BTBD8: variants seen among roughly 807,000 people sequenced by gnomAD.
BTBD8 encodes BTB domain containing 8, also known as BTB/POZ domain-containing protein 8.
A neutral mutation model predicts 162.9 loss-of-function variants in BTBD8; 110 were observed. The ratio of observed to expected loss-of-function variants is 0.68; its 90% CI spans 0.58 to 0.79. The LOEUF (loss-of-function observed/expected upper bound fraction) is 0.79, where lower values mean the gene tolerates loss of function less well. BTBD8 is among the 30% of genes least tolerant of loss of function. The probability of loss-of-function intolerance (pLI) is 0.00; values close to 1 mark genes in which losing one functional copy is unlikely to be tolerated. For synonymous variants in BTBD8, 667 were observed against 716.1 expected, an observed-to-expected ratio of 0.93 and a Z score of 1.10; for missense variants, 1,905 against 2,085.4, an observed-to-expected ratio of 0.91 and a Z score of 1.68.
At position 92,180,820 on chromosome 1, in the gene BTBD8, A is replaced by C; in HGVS notation, c.3137A>C (p.Gln1046Pro). The change falls in exon 17 of 18, where the codon CAG (glutamine) becomes CCG (proline). Residue 1046 changes from glutamine (Q) to proline (P), a missense_variant. By Grantham distance (76) the Gln-to-Pro change is moderately conservative (BLOSUM62 -1). This residue lies in a region of BTBD8 where 1,374 missense variants were observed against 1,442.7 expected (regional missense o/e 0.95). Coordinates refer to ENST00000636805, the MANE Select transcript of BTBD8 (RefSeq NM_001376131.1). ...KSLKHELESKQICLDKSETKF... is the reference protein window; with the variant it reads ...KSLKHELESKPICLDKSETKF... ...TTAAAACACGAACTGGAATCAAAAC[A>C]GATTTGTTTAGATAAAAGTGAAACA... is the stretch of plus-strand genomic sequence containing the variant. The C allele has an allele frequency of 6.4e-7, 1 of 1,551,514 alleles. No individual in the cohort carries two copies. Among genetic ancestry groups the C allele is most frequent in the Non-Finnish European group, 8.7e-7 (1 of 1,146,946 alleles).
Position 92,146,822 on chromosome 1 carries a change from C to T in BTBD8, c.931-358C>T, listed in dbSNP as rs116191550. On this transcript the variant is annotated intron_variant, in intron 7 of 17. Coordinates refer to ENST00000636805, the MANE Select transcript of BTBD8 (RefSeq NM_001376131.1). ...TTTTAGAGCTGAATATTTCATTGCA[C>T]GGATGTACTACAGTTTATTTATCCA... 7.3e-3 allele frequency among the ~76,000 whole-genome samples: 1,109 copies of T among 152,140 alleles called. 6 individuals are homozygous for T. Among genetic ancestry groups the T allele is most frequent in the Middle Eastern group, 0.014 (4 of 294 alleles).
At chr1:92,152,857 G>A (rs1459215689) in intron 9 of BTBD8, among the ~76,000 whole-genome samples, 2 of 152,156 alleles carry the variant, frequency 1.3e-5, no homozygotes, top group Non-Finnish European at 2.9e-5. Context: ...CAAACATCCA[G>A]TCTGATCAAT....
chr1:92,130,537 T>G (rs1649489360), intron 5 of BTBD8, among the ~76,000 whole-genome samples: 1 of 117,016 alleles, frequency 8.5e-6, no homozygotes, highest in Non-Finnish European at 1.7e-5. Context: ...TATATATATA[T>G]TTACACACAC....
chr1:92,115,142 G>T (rs1648999675), intron 4 of BTBD8: 4 of 509,384 alleles, frequency 7.9e-6, no homozygotes, highest in South Asian at 6.2e-5. Context: ...TCGACTTGGG[G>T]ATGACCTTGC....
At chr1:92,155,779 G>A (rs1444861237) in intron 9 of BTBD8, among the ~76,000 whole-genome samples, 1 of 152,162 alleles carries the variant, frequency 6.6e-6, no homozygotes, top group Non-Finnish European at 1.5e-5. Flanking sequence ...ATTATTGTAT[G>A]TTCATTTTGT....
chr1:92,122,005 T>C (rs893860649), intron 4 of BTBD8, among the ~76,000 whole-genome samples: 3 of 152,022 alleles, frequency 2.0e-5, no homozygotes, highest in African/African-American at 7.2e-5. Flanking sequence ...TGTTTTCTTA[T>C]TATTGTGTTC....
chr1:92,097,677 A>G (rs1024385229), intron 2 of BTBD8, among the ~76,000 whole-genome samples: 3 of 152,112 alleles, frequency 2.0e-5, no homozygotes, highest in Non-Finnish European at 2.9e-5. Flanking sequence ...TCGACATGGT[A>G]TTTTCACAGT....
chr1:92,173,830 G>A (rs1012862738), intron 13 of BTBD8, among the ~76,000 whole-genome samples: 1 of 152,214 alleles, frequency 6.6e-6, no homozygotes, highest in African/African-American at 2.4e-5. Context: ...CTGGTATGTA[G>A]TAAGTGCTCA....
chr1:92,096,669 C>G (rs1203856545), intron 2 of BTBD8, among the ~76,000 whole-genome samples: 1 of 151,606 alleles, frequency 6.6e-6, no homozygotes, highest in African/African-American at 2.4e-5. Context: ...TCCTGAGTAG[C>G]TGGGACTACA....
At chr1:92,144,344 A>G (rs1649857451) in intron 7 of BTBD8, among the ~76,000 whole-genome samples, 2 of 152,134 alleles carry the variant, frequency 1.3e-5, no homozygotes, top group Admixed American at 6.6e-5. Flanking sequence ...TTATACAGTA[A>G]TACAAATATG....
chr1:92,139,918 C>G (rs865985511), intron 6 of BTBD8: 2 of 97,620 alleles, frequency 2.0e-5, no homozygotes, highest in Non-Finnish European at 3.8e-5. Flanking sequence ...GAAACCTCGT[C>G]TCTACTAAAA....
chr1:92,161,145 A>G (rs1392261667), intron 9 of BTBD8, among the ~76,000 whole-genome samples: 1 of 152,180 alleles, frequency 6.6e-6, no homozygotes, highest in East Asian at 1.9e-4. Context: ...GGAGCCTCTC[A>G]ACTAGTTTCT....
intron 4 of BTBD8, among the ~76,000 whole-genome samples, chr1:92,129,029 T>C (rs1649438882): frequency 6.6e-6 from 1 of 152,122 alleles, no homozygotes; most frequent in African/African-American, 2.4e-5. Context: ...GCCACCTTGT[T>C]AAAAATTTTT....
At chr1:92,140,458 T>A (rs1041933991) in intron 6 of BTBD8, among the ~76,000 whole-genome samples, 8 of 152,210 alleles carry the variant, frequency 5.3e-5, no homozygotes, top group African/African-American at 1.9e-4. Flanking sequence ...TTTTTAATTT[T>A]AAAAATTACT....
rs986978617 is a variant in BTBD8 at position 92,181,107 on chromosome 1, G to A, written c.3424G>A (p.Val1142Met). Residue 1142 changes from valine (V) to methionine (M), a missense_variant, in exon 17 of 18, where the codon GTG becomes ATG. Transcript: ENST00000636805. ...DTNKQSSIKC[V>M]EDVSLCNPER... The stretch of plus-strand genomic sequence containing the variant: ...AAACAAACAATCAAGTATTAAATGT[G>A]TGGAAGATGTTTCACTGTGTAATCC... The A allele has an allele frequency of 1.1e-5, 17 of 1,551,632 alleles. No individual in the cohort carries two copies. The African/African-American group carries it at 1.9e-4, about 17-fold the overall frequency.
chr1:92,149,729 A>G (rs1485761749), intron 9 of BTBD8, among the ~76,000 whole-genome samples: 2 of 152,202 alleles, frequency 1.3e-5, no homozygotes, highest in African/African-American at 4.8e-5. Context: ...GGCTCACTGC[A>G]GCCAGATCTG....
chr1:92,081,661 C>T (rs1369619554), intron 1 of BTBD8, among the ~76,000 whole-genome samples: 1 of 152,200 alleles, frequency 6.6e-6, no homozygotes, highest in Non-Finnish European at 1.5e-5. Context: ...GCAACCTCCA[C>T]CTCCCGGGTT....
chr1:92,179,467 T>A (rs519932), intron 16 of BTBD8, among the ~76,000 whole-genome samples: 34 of 152,122 alleles, frequency 2.2e-4, no homozygotes, highest in Non-Finnish European at 4.0e-4. Context: ...AAAGCAGTTC[T>A]TAAAATGCTA....
intron 2 of BTBD8, among the ~76,000 whole-genome samples, chr1:92,098,127 G>A (rs1258356001): frequency 2.0e-5 from 3 of 152,136 alleles, no homozygotes; most frequent in African/African-American, 7.2e-5. Flanking sequence ...CTAAACTATT[G>A]CTTGTATAAA....
Sources: allele counts gnomAD v4.1 joint callset (sites outside exome capture counted in the v4.1 genomes callset), GRCh38; gene constraint gnomAD v4.1.1; regional missense constraint gnomAD v4.1.1; transcripts MANE v1.5; gene names NCBI Gene and HGNC (gene_info 2026-07-23, HGNC 2026-07-21).